GUCY1A2: variants seen among roughly 807,000 people sequenced by gnomAD.
GUCY1A2 encodes the protein guanylate cyclase soluble subunit alpha-2.
GUCY1A2 carries 27 observed loss-of-function variants against 63.5 expected under a neutral mutation model. The observed-to-expected ratio is 0.43, with a 90% CI of 0.31 to 0.59. The LOEUF (loss-of-function observed/expected upper bound fraction) is 0.59, where lower values mean the gene tolerates loss of function less well. GUCY1A2 is among the 20% of genes least tolerant of loss of function. The probability of loss-of-function intolerance (pLI) is 0.11; values close to 1 mark genes in which losing one functional copy is unlikely to be tolerated. For missense variants in GUCY1A2, 768 were observed against 913.3 expected (o/e 0.84, Z 2.05); for synonymous variants, 364 against 343.5 (o/e 1.06, Z -0.66).
At chr11:106,904,057 A>G (rs933890607) in intron 4 of GUCY1A2, among the ~76,000 whole-genome samples, 4 of 152,198 alleles carry the variant, frequency 2.6e-5, no homozygotes, top group African/African-American at 9.6e-5. Flanking sequence ...ATCATAGTCT[A>G]ACCTAAAGTT....
In GUCY1A2 at chr11:106,939,664, A is replaced by G. The variant is rs746062855; in HGVS notation, c.1002T>C (p.Asp334=). ...CCAACTGAAGGACTGACATGCTGGGATCAAACATCAAGTGGAAAGGGAAGG... is the reference window on the plus strand; with the variant it reads ...CCAACTGAAGGACTGACATGCTGGGGTCAAACATCAAGTGGAAAGGGAAGG... ...CRAFPFHLMF[D]PSMSVLQLGE... The change falls in exon 4 of 8, where the codon GAT becomes GAC. Residue 334 remains aspartate (D), a synonymous_variant. Transcript: ENST00000526355. The G allele has an allele frequency of 1.2e-6, 2 of 1,613,968 alleles. No homozygotes were observed. Among genetic ancestry groups the G allele is most frequent in the Admixed American group, 1.7e-5 (1 of 59,998 alleles).
At chr11:106,868,277 C>A (rs946186094) in intron 4 of GUCY1A2, among the ~76,000 whole-genome samples, 1 of 151,828 alleles carries the variant, frequency 6.6e-6, no homozygotes, top group Admixed American at 6.6e-5. Flanking sequence ...CATATTCAAC[C>A]TAATAAGCAA....
chr11:106,998,958 GCTGA>G (rs1488088796), intron 1 of GUCY1A2, among the ~76,000 whole-genome samples: 1 of 152,040 alleles, frequency 6.6e-6, no homozygotes, highest in Non-Finnish European at 1.5e-5. Flanking sequence ...TCTCCAGATG[GCTGA>G]CTGAGAGATC....
chr11:106,802,986 A>G (rs1858631547), intron 5 of GUCY1A2, among the ~76,000 whole-genome samples: 2 of 152,174 alleles, frequency 1.3e-5, no homozygotes, highest in Non-Finnish European at 2.9e-5. Flanking sequence ...CAGAAATTAA[A>G]TATCGATAGG....
chr11:106,942,682 C>T (rs1398961463), intron 3 of GUCY1A2, among the ~76,000 whole-genome samples: 1 of 152,134 alleles, frequency 6.6e-6, no homozygotes, highest in Non-Finnish European at 1.5e-5. Flanking sequence ...AAAAGGTCCT[C>T]ACAGTTATGG....
At chr11:106,976,153 AAT>A (rs1861258976) in intron 3 of GUCY1A2, among the ~76,000 whole-genome samples, 1 of 152,184 alleles carries the variant, frequency 6.6e-6, no homozygotes, top group African/African-American at 2.4e-5. Context: ...AGGTAAGAGA[AAT>A]ATATGTTTGC....
At chr11:106,851,669 G>C (rs1167219821) in intron 4 of GUCY1A2, among the ~76,000 whole-genome samples, 4 of 151,658 alleles carry the variant, frequency 2.6e-5, no homozygotes, top group African/African-American at 9.7e-5. Flanking sequence ...TAAATATGTG[G>C]ATTTACTTCT....
chr11:106,764,801 C>G (rs1487897), intron 6 of GUCY1A2, among the ~76,000 whole-genome samples: 5 of 151,998 alleles, frequency 3.3e-5, no homozygotes, highest in African/African-American at 1.2e-4. Flanking sequence ...GTTTCCTATA[C>G]TGAAAAAAAG....
rs545756192 is a variant in GUCY1A2 at position 106,827,927 on chromosome 11, C to A, written c.1207-17449G>T. On this transcript the variant is annotated intron_variant, in intron 4 of 7. Transcript: ENST00000526355. The stretch of plus-strand genomic sequence containing the variant: ...CCCAGTGGTTTACTGAATATCGCGG[C>A]GGAACAGCGAGACTCTGGACTCCAG... 12 of 1,269,134 alleles carry A rather than the reference C, an allele frequency of 9.5e-6. No individual in the cohort carries two copies. The East Asian group carries it at 2.9e-4, about 30-fold the overall frequency. The allele number at this position is 1,269,134 out of a possible 1,614,324, so 78.6% of individuals were successfully genotyped here. A position where few individuals can be genotyped will look rare whatever the true frequency, so the allele number is the denominator to read the frequency against.
intron 3 of GUCY1A2, among the ~76,000 whole-genome samples, chr11:106,952,055 T>C (rs1296908205): frequency 6.6e-6 from 1 of 152,090 alleles, no homozygotes; most frequent in Non-Finnish European, 1.5e-5. Context: ...TGCAGATATG[T>C]GGTGTTATTT....
chr11:106,895,035 G>A (rs1360495710), intron 4 of GUCY1A2, among the ~76,000 whole-genome samples: 1 of 151,978 alleles, frequency 6.6e-6, no homozygotes, highest in African/African-American at 2.4e-5. Context: ...AAAGAGAAGG[G>A]ATACAAATTA....
chr11:107,002,997 C>T (rs917374069), intron 1 of GUCY1A2, among the ~76,000 whole-genome samples: 1 of 152,090 alleles, frequency 6.6e-6, no homozygotes, highest in Non-Finnish European at 1.5e-5. Flanking sequence ...TTAGAGAATG[C>T]CTCTAAAGAG....
At chr11:106,857,619 C>T (rs1238043967) in intron 4 of GUCY1A2, among the ~76,000 whole-genome samples, 3 of 152,260 alleles carry the variant, frequency 2.0e-5, no homozygotes, top group East Asian at 3.9e-4. Flanking sequence ...TTTTCGAGAA[C>T]GTACAGTCAG....
At chr11:106,773,485 G>A (rs1864295315) in intron 6 of GUCY1A2, among the ~76,000 whole-genome samples, 1 of 152,126 alleles carries the variant, frequency 6.6e-6, no homozygotes, top group Non-Finnish European at 1.5e-5. Context: ...CTATTCTTGT[G>A]TGTGACTTTT....
At chr11:106,766,471 T>C (rs1033793780) in intron 6 of GUCY1A2, among the ~76,000 whole-genome samples, 8 of 152,124 alleles carry the variant, frequency 5.3e-5, no homozygotes, top group African/African-American at 1.9e-4. Flanking sequence ...TACATAAAAA[T>C]GTAAAATATG....
At chr11:106,754,217 C>T (rs959186103) in intron 6 of GUCY1A2, among the ~76,000 whole-genome samples, 1 of 152,166 alleles carries the variant, frequency 6.6e-6, no homozygotes, top group East Asian at 1.9e-4. Context: ...TATCCTGAGA[C>T]TTTGCTGAAG....
chr11:106,927,470 ACTTCAC>A (rs1434760330), intron 4 of GUCY1A2, among the ~76,000 whole-genome samples: 1 of 152,184 alleles, frequency 6.6e-6, no homozygotes, highest in Non-Finnish European at 1.5e-5. Context: ...AAGAACACAA[ACTTCAC>A]AAAATTTTCT....
In GUCY1A2 at chr11:107,018,123, T is replaced by G. The variant is rs1046943710; in HGVS notation, c.-68A>C. 1 of 1,075,484 alleles carries G rather than the reference T, an allele frequency of 9.3e-7. No individual in the cohort carries two copies. The highest frequency in any genetic ancestry group is 1.2e-6 in the Non-Finnish European group (1 of 816,106). 66.6% of individuals were successfully genotyped at this position (1,075,484 alleles called of 1,614,324 possible). ...ACGCGAGCGGCGGCGGAGGCGGCGG[T>G]GGCGGGACCGGCAAGCGACAACGTT... On this transcript the variant is annotated 5_prime_UTR_variant, in exon 1 of 8. Transcript: ENST00000526355.
chr11:106,803,873 C>A (rs987523803), intron 5 of GUCY1A2, among the ~76,000 whole-genome samples: 1 of 152,152 alleles, frequency 6.6e-6, no homozygotes, highest in African/African-American at 2.4e-5. Context: ...TATCTCCAAC[C>A]AAAGTGCTCG....
Sources: allele counts gnomAD v4.1 joint callset (sites outside exome capture counted in the v4.1 genomes callset), GRCh38; gene constraint gnomAD v4.1.1; transcripts MANE v1.5; gene names NCBI Gene and HGNC (gene_info 2026-07-23, HGNC 2026-07-21).